TTC39B: variants seen among roughly 807,000 people sequenced by gnomAD.
The protein encoded by TTC39B is tetratricopeptide repeat protein 39B.
In TTC39B, 92 loss-of-function variants were observed where a neutral mutation model predicts 96.6. The ratio of observed to expected loss-of-function variants is 0.95; its 90% CI spans 0.80 to 1.13. The LOEUF is 1.13. Among genes scored for constraint, TTC39B ranks in the 50% most tolerant of loss-of-function variants. TTC39B has a pLI of 0.00. For missense variants in TTC39B, 955 were observed against 809.3 expected, an observed-to-expected ratio of 1.18 and a Z score of -2.18; for synonymous variants, 367 against 299.4, an observed-to-expected ratio of 1.23 and a Z score of -2.33.
intron 2 of TTC39B, among the ~76,000 whole-genome samples, chr9:15,258,442 G>T (rs1236141843): frequency 6.6e-6 from 1 of 152,158 alleles, no homozygotes; most frequent in African/African-American, 2.4e-5. Flanking sequence ...TTCAGTTTGG[G>T]ACATAAAAAT....
At position 15,211,122 on chromosome 9, in the gene TTC39B, C is replaced by G. The variant is rs376689002; in HGVS notation, c.614+144G>C. 5.5e-5 allele frequency: 48 copies of G among 880,132 alleles called. No homozygotes were observed. In the African/African-American group the frequency reaches 6.0e-4, roughly 11 times the overall value. 54.5% of individuals were successfully genotyped at this position (880,132 alleles called of 1,614,324 possible). On this transcript the variant is annotated intron_variant, in intron 5 of 19. Coordinates refer to ENST00000512701, the Ensembl canonical transcript of TTC39B. ...GAATATGTAGATGCCAAATGGGAAT[C>G]CTTCAGCTTCGAGGCTGAATTTCTT...
chr9:15,210,969 TTGGTTTGGCATGCAG>T (rs1820160697), intron 5 of TTC39B, among the ~76,000 whole-genome samples: 1 of 152,236 alleles, frequency 6.6e-6, no homozygotes, highest in Non-Finnish European at 1.5e-5. Context: ...CTTGTGTGGC[TTGGTTTGGCATGCAG>T]TACCTAATGT....
At chr9:15,210,111 C>A in exon 6 of TTC39B, 1 of 1,607,504 alleles carries the variant, frequency 6.2e-7, no homozygotes, top group Non-Finnish European at 8.5e-7. Context: ...CTCCAGGGAT[C>A]CTCTAGAAAG....
chr9:15,184,016 T>C (rs570576885), intron 16 of TTC39B, among the ~76,000 whole-genome samples: 3 of 152,046 alleles, frequency 2.0e-5, no homozygotes, highest in Admixed American at 6.6e-5. Flanking sequence ...TTCTTTCTCA[T>C]AGAATGTATA....
Position 15,211,258 on chromosome 9 carries a change from C to T in TTC39B, c.614+8G>A, listed in dbSNP as rs1586881657. 5.3e-6 allele frequency: 8 copies of T among 1,522,170 alleles called. No individual in the cohort carries two copies. The highest frequency in any genetic ancestry group is 2.4e-5 in the East Asian group (1 of 40,884). 94.3% of individuals were successfully genotyped at this position (1,522,170 alleles called of 1,614,324 possible). ...GTCACATCTTAAGTATTTAATGACT[C>T]GTCATACTTTTGGCAGGTTTGTAAA... On this transcript the variant is annotated splice_region_variant and intron_variant, in intron 5 of 19. Transcript: ENST00000512701.
At chr9:15,250,185 G>A in intron 2 of TTC39B, 1 of 1,188,036 alleles carries the variant, frequency 8.4e-7, no homozygotes, top group Non-Finnish European at 1.1e-6. Flanking sequence ...CAGTTAAAGT[G>A]GCAGCTACAC....
At chr9:15,272,195 C>A (rs928917164) in intron 1 of TTC39B, among the ~76,000 whole-genome samples, 1 of 152,320 alleles carries the variant, frequency 6.6e-6, no homozygotes, top group South Asian at 2.1e-4. Context: ...CTAGGTTTGG[C>A]ACTGACAGCT....
At chr9:15,204,139 C>A (rs1450312010) in intron 6 of TTC39B, among the ~76,000 whole-genome samples, 1 of 152,134 alleles carries the variant, frequency 6.6e-6, no homozygotes, top group Non-Finnish European at 1.5e-5. Flanking sequence ...TCAGTCACTT[C>A]GTATCAGAGA....
At chr9:15,278,884 A>G (rs1563783923) in intron 1 of TTC39B, among the ~76,000 whole-genome samples, 1 of 152,242 alleles carries the variant, frequency 6.6e-6, no homozygotes, top group Non-Finnish European at 1.5e-5. Context: ...ATTGAGTGCC[A>G]AACATTGCTC....
intron 1 of TTC39B, among the ~76,000 whole-genome samples, chr9:15,287,898 A>C (rs1235621674): frequency 2.9e-5 from 4 of 139,450 alleles, no homozygotes; most frequent in Non-Finnish European, 6.1e-5. Flanking sequence ...GTGAGCCGAT[A>C]TGGCGCCACT....
chr9:15,302,985 T>C (rs1419875499), intron 1 of TTC39B, among the ~76,000 whole-genome samples: 2 of 152,108 alleles, frequency 1.3e-5, no homozygotes, highest in African/African-American at 4.8e-5. Context: ...CTGGCCAACA[T>C]GGTGAAACCC....
chr9:15,208,910 A>G (rs567219848), intron 6 of TTC39B, among the ~76,000 whole-genome samples: 5 of 152,224 alleles, frequency 3.3e-5, no homozygotes, highest in South Asian at 2.1e-4. Context: ...AAACTTCCTA[A>G]TAAAACACAC....
At chr9:15,291,748 TA>T (rs904277963) in intron 1 of TTC39B, among the ~76,000 whole-genome samples, 64 of 148,164 alleles carry the variant, frequency 4.3e-4, no homozygotes, top group African/African-American at 1.2e-3. Context: ...GACAAAGAAT[TA>T]AAAAAAAAAA....
chr9:15,171,583 TA>T (rs1400640200), exon 20 of TTC39B: 1 of 153,836 alleles, frequency 6.5e-6, no homozygotes, highest in Non-Finnish European at 1.4e-5. Flanking sequence ...CAATGATATT[TA>T]TTTATCTTCT....
chr9:15,259,193 G>C, intron 2 of TTC39B, among the ~76,000 whole-genome samples: 1 of 152,124 alleles, frequency 6.6e-6, no homozygotes, highest in East Asian at 1.9e-4. Flanking sequence ...CTAACCCCAA[G>C]ATACATCTTA....
exon 20 of TTC39B, chr9:15,170,696 C>CA (rs1200953072): frequency 3.9e-5 from 6 of 152,066 alleles, no homozygotes; most frequent in Admixed American, 3.9e-4. Context: ...GCTTCTATGA[C>CA]AAGTTATTCT....
At chr9:15,219,396 G>C (rs1820715143) in intron 3 of TTC39B, among the ~76,000 whole-genome samples, 1 of 152,114 alleles carries the variant, frequency 6.6e-6, no homozygotes, top group African/African-American at 2.4e-5. Flanking sequence ...TCTGCACTTT[G>C]CTCATAATCT....
chr9:15,171,236 A>C (rs1344504728), exon 20 of TTC39B: 1 of 118,506 alleles, frequency 8.4e-6, no homozygotes, highest in African/African-American at 3.4e-5. Context: ...CAGGAAATTT[A>C]CTTCCTAGAA....
intron 7 of TTC39B, among the ~76,000 whole-genome samples, chr9:15,200,696 T>A (rs1479102779): frequency 6.6e-6 from 1 of 152,242 alleles, no homozygotes; most frequent in Non-Finnish European, 1.5e-5. Flanking sequence ...TTTTCTAGTC[T>A]ATTGATATCA....
Sources: allele counts gnomAD v4.1 joint callset (sites outside exome capture counted in the v4.1 genomes callset), GRCh38; gene constraint gnomAD v4.1.1; transcripts MANE v1.5; gene names NCBI Gene and HGNC (gene_info 2026-07-23, HGNC 2026-07-21).